Variants in SPOCK3 observed in about 807,000 individuals in gnomAD.
SPOCK3 encodes testican-3.
A neutral mutation model predicts 56.6 loss-of-function variants in SPOCK3; 30 were observed. The observed-to-expected ratio is 0.53, with a 90% confidence interval of 0.40 to 0.72. The LOEUF is 0.72. Ranked by LOEUF, SPOCK3 falls within the 30% of genes least tolerant of loss-of-function variation. SPOCK3 has a pLI of 0.00. For synonymous variants in SPOCK3, 196 were observed against 183.3 expected, an observed-to-expected ratio of 1.07 and a Z score of -0.56; for missense variants, 527 against 530.0, an observed-to-expected ratio of 0.99 and a Z score of 0.06.
intron 6 of SPOCK3, among the ~76,000 whole-genome samples, chr4:166,837,468 C>T (rs528265256): frequency 7.2e-4 from 110 of 152,176 alleles, no homozygotes; most frequent in African/African-American, 2.6e-3. Context: ...CACACCTGGC[C>T]TGTATAGCTT....
intron 2 of SPOCK3, among the ~76,000 whole-genome samples, chr4:167,227,578 A>G (rs1736716761): frequency 6.6e-6 from 1 of 152,102 alleles, no homozygotes; most frequent in South Asian, 2.1e-4. Context: ...TCACAGTCTA[A>G]TGGGGTGTCC....
At chr4:166,977,219 T>C (rs1746048488) in intron 4 of SPOCK3, among the ~76,000 whole-genome samples, 1 of 152,120 alleles carries the variant, frequency 6.6e-6, no homozygotes, top group African/African-American at 2.4e-5. Flanking sequence ...TTATAATTTA[T>C]TTATAATCAT....
At chr4:166,941,019 A>G (rs1446870476) in intron 4 of SPOCK3, among the ~76,000 whole-genome samples, 2 of 151,832 alleles carry the variant, frequency 1.3e-5, no homozygotes, top group Non-Finnish European at 2.9e-5. Context: ...AAATTACTCT[A>G]TGCTGCACTT....
At chr4:167,194,328 G>A (rs1732734502) in intron 2 of SPOCK3, among the ~76,000 whole-genome samples, 1 of 151,412 alleles carries the variant, frequency 6.6e-6, no homozygotes, top group Non-Finnish European at 1.5e-5. Context: ...TCTTGATTTT[G>A]TTTAGTTGCC....
chr4:166,762,136 C>G (rs1737323782), intron 7 of SPOCK3, among the ~76,000 whole-genome samples: 1 of 151,958 alleles, frequency 6.6e-6, no homozygotes, highest in South Asian at 2.1e-4. Context: ...TTTATAGAAT[C>G]AAAACAGAGT....
chr4:167,100,072 A>C (rs1167575481), intron 2 of SPOCK3, among the ~76,000 whole-genome samples: 1 of 152,150 alleles, frequency 6.6e-6, no homozygotes, highest in Non-Finnish European at 1.5e-5. Flanking sequence ...TTGGATCACT[A>C]AGACATGTCT....
At chr4:166,834,859 T>A (rs965979506) in intron 6 of SPOCK3, among the ~76,000 whole-genome samples, 11 of 152,144 alleles carry the variant, frequency 7.2e-5, no homozygotes, top group African/African-American at 2.4e-4. Flanking sequence ...TTTGACTATG[T>A]TTTGATCAAT....
At chr4:167,142,656 T>C (rs1763631202) in intron 2 of SPOCK3, among the ~76,000 whole-genome samples, 1 of 151,912 alleles carries the variant, frequency 6.6e-6, no homozygotes, top group African/African-American at 2.4e-5. Flanking sequence ...TAAAGTTTTA[T>C]TGGAAGGTGT....
intron 4 of SPOCK3, among the ~76,000 whole-genome samples, chr4:166,914,938 T>A (rs1372649394): frequency 6.6e-6 from 1 of 152,144 alleles, no homozygotes; most frequent in Non-Finnish European, 1.5e-5. Context: ...ATGTTCATAT[T>A]CTTTTTTTTA....
chr4:166,932,426 C>G (rs1254299859), intron 4 of SPOCK3, among the ~76,000 whole-genome samples: 1 of 152,086 alleles, frequency 6.6e-6, no homozygotes, highest in African/African-American at 2.4e-5. Flanking sequence ...AAGTATTTAT[C>G]CTGGTAACAT....
intron 6 of SPOCK3, among the ~76,000 whole-genome samples, chr4:166,826,193 G>C (rs558878253): frequency 6.6e-6 from 1 of 152,178 alleles, no homozygotes; most frequent in African/African-American, 2.4e-5. Context: ...TGCAAAAAAA[G>C]ATATATTTTT....
rs1747312878 is a variant in SPOCK3 at position 166,841,449 on chromosome 4, AAG to A, written c.589+47679_589+47680del. Among the ~76,000 whole-genome samples the A allele has an allele frequency of 5.9e-5, 9 of 152,308 alleles. No individual in the cohort carries two copies. In the South Asian group the frequency reaches 1.9e-3, roughly 32 times the overall value. On this transcript the variant is annotated intron_variant, in intron 6 of 10. Transcript: ENST00000357545. Reference sequence around the variant, plus strand: ...AAAAAATTTCTTAAAGTAAGAAAAAAAGATTATTTTACATTATGCACTGGCTT... The same window carrying A: ...AAAAAATTTCTTAAAGTAAGAAAAAAATTATTTTACATTATGCACTGGCTT...
rs148375403 is a variant in SPOCK3, at chr4:166,998,464, G to A, written c.350+1885C>T. On this transcript the variant is annotated intron_variant, in intron 4 of 10. Transcript: ENST00000357545. ...CTGTTTAATAAGTCAGAGAAGTAAC[G>A]AGACAGCATAGTGGTAAAAAGCTTA... 7.8e-3 allele frequency among the ~76,000 whole-genome samples: 1,189 copies of A among 152,178 alleles called. 13 individuals carry two copies. Among genetic ancestry groups the A allele is most frequent in the African/African-American group, 0.027 (1,117 of 41,522 alleles).
At chr4:167,109,932 C>G (rs1213646204) in intron 2 of SPOCK3, among the ~76,000 whole-genome samples, 1 of 151,968 alleles carries the variant, frequency 6.6e-6, no homozygotes, top group Non-Finnish European at 1.5e-5. Flanking sequence ...GTCTTACTAG[C>G]CTGAACTCCA....
chr4:167,228,271 G>T (rs1295095823), intron 2 of SPOCK3, among the ~76,000 whole-genome samples: 1 of 151,888 alleles, frequency 6.6e-6, no homozygotes, highest in African/African-American at 2.4e-5. Context: ...AAGAATCTAC[G>T]CACATAAATA....
At position 166,959,327 on chromosome 4, in the gene SPOCK3, A is replaced by C. The variant is rs377466765; in HGVS notation, c.350+41022T>G. ...CTGGGTAGGTGAGCTAAAAGATTGA[A>C]TTCTCGGCCAGGCGTGGTGGCTCAT... On this transcript the variant is annotated intron_variant, in intron 4 of 10. Transcript: ENST00000357545. 4.8e-4 allele frequency among the ~76,000 whole-genome samples: 73 copies of C among 152,254 alleles called. 1 individual carries two copies. Among genetic ancestry groups the C allele is most frequent in the African/African-American group, 1.4e-3 (58 of 41,572 alleles).
intron 4 of SPOCK3, among the ~76,000 whole-genome samples, chr4:166,993,904 C>CA (rs1324682303): frequency 1.3e-5 from 2 of 152,056 alleles, no homozygotes; most frequent in African/African-American, 4.8e-5. Context: ...TTAATTCTCA[C>CA]AAAAACAGAG....
intron 2 of SPOCK3, among the ~76,000 whole-genome samples, chr4:167,172,631 T>C (rs1416535122): frequency 1.3e-5 from 2 of 152,172 alleles, no homozygotes; most frequent in African/African-American, 2.4e-5. Context: ...AGTTAGTTTT[T>C]ATTATACTCA....
chr4:166,932,021 ATGT>A (rs1202691230), intron 4 of SPOCK3, among the ~76,000 whole-genome samples: 1 of 152,204 alleles, frequency 6.6e-6, no homozygotes, highest in African/African-American at 2.4e-5. Flanking sequence ...AAGAATTGTG[ATGT>A]TTTCTAAGTA....
Sources: allele counts gnomAD v4.1 joint callset (sites outside exome capture counted in the v4.1 genomes callset), GRCh38; gene constraint gnomAD v4.1.1; transcripts MANE v1.5; gene names NCBI Gene and HGNC (gene_info 2026-07-23, HGNC 2026-07-21).